Variants in ELOVL6 observed in about 807,000 individuals in gnomAD.
ELOVL6 encodes the protein very long chain fatty acid elongase 6.
A neutral mutation model predicts 31.7 loss-of-function variants in ELOVL6; 8 were observed. The observed-to-expected ratio is 0.25, with a 90% CI of 0.15 to 0.45. The LOEUF (loss-of-function observed/expected upper bound fraction) is 0.45. Ranked by LOEUF, ELOVL6 falls within the 20% of genes least tolerant of loss-of-function variation. The pLI, the probability that ELOVL6 is intolerant of heterozygous loss-of-function variation, is 1.00. For missense variants in ELOVL6, 126 were observed against 326.4 expected, an observed-to-expected ratio of 0.39 and a Z score of 4.73; for synonymous variants, 101 against 117.7, an observed-to-expected ratio of 0.86 and a Z score of 0.92.
At chr4:110,081,219 C>A (rs958713138) in intron 2 of ELOVL6, among the ~76,000 whole-genome samples, 6 of 152,138 alleles carry the variant, frequency 3.9e-5, no homozygotes, top group African/African-American at 1.2e-4. Flanking sequence ...CAATGATTTT[C>A]TTCACAGAAT....
In ELOVL6 at chr4:110,058,626, A is replaced by C. The variant is rs573286239; in HGVS notation, c.373+977T>G. 3.7e-4 allele frequency among the ~76,000 whole-genome samples: 56 copies of C among 152,302 alleles called. 2 individuals are homozygous for C. In the South Asian group the frequency reaches 6.2e-3, roughly 17 times the overall value. ...GCAGGTGGTTTGTAAGGAAAGTACA[A>C]CACCAAACTCCCTTTTTAGGAGAAA... On this transcript the variant is annotated intron_variant, in intron 3 of 3. Transcript: ENST00000302274.
At chr4:110,199,069 C>T (rs1487422560), upstream of ELOVL6, 1 of 151,452 alleles carries the variant, frequency 6.6e-6, no homozygotes, top group African/African-American at 2.4e-5. Context: ...CCCACCCCCA[C>T]CCGGGAGCTC....
At position 110,108,196 on chromosome 4, in the gene ELOVL6, A is replaced by T. The variant is rs1018823998; in HGVS notation, c.90-2568T>A. Among the ~76,000 whole-genome samples, 101 of 152,318 alleles carry T rather than the reference A, an allele frequency of 6.6e-4. 2 individuals are homozygous for T. The highest frequency in any genetic ancestry group is 2.2e-3 in the African/African-American group (93 of 41,572). On this transcript the variant is annotated intron_variant, in intron 1 of 3. Coordinates refer to ENST00000302274, the MANE Select transcript of ELOVL6 (RefSeq NM_024090.3). The stretch of plus-strand genomic sequence containing the variant: ...TTCTTTGAGAACAGAAATTAATTAT[A>T]CATATACCATGGAAGACATTTCCTT...
At chr4:110,165,390 A>G (rs1758746677) in intron 1 of ELOVL6, among the ~76,000 whole-genome samples, 1 of 152,106 alleles carries the variant, frequency 6.6e-6, no homozygotes, top group South Asian at 2.1e-4. Context: ...CTGGCTTCCA[A>G]GCTTCCAATC....
chr4:110,127,632 A>G (rs1757547093), intron 1 of ELOVL6, among the ~76,000 whole-genome samples: 1 of 152,174 alleles, frequency 6.6e-6, no homozygotes, highest in African/African-American at 2.4e-5. Flanking sequence ...TAGTTTAATG[A>G]CAGAGATCAA....
chr4:110,115,232 T>G (rs1757139765), intron 1 of ELOVL6, among the ~76,000 whole-genome samples: 1 of 152,084 alleles, frequency 6.6e-6, no homozygotes, highest in Admixed American at 6.6e-5. Flanking sequence ...TTAGAGAAAA[T>G]ATCTCAGCAG....
intron 2 of ELOVL6, among the ~76,000 whole-genome samples, chr4:110,083,864 G>T (rs983529296): frequency 2.8e-5 from 4 of 140,882 alleles, no homozygotes; most frequent in African/African-American, 1.0e-4. Flanking sequence ...TCCCTGAGAT[G>T]CTGTGATGGA....
chr4:110,084,409 A>ATATATATCG lies in ELOVL6; in HGVS notation c.221+21087_221+21088insCGATATATA, dbSNP rs1214879320. ...TCGCATATATGATATATGATATATG[A>ATATATATCG]CATACATGATATATCACATATATCA... On this transcript the variant is annotated intron_variant, in intron 2 of 3. Transcript: ENST00000302274. 5.0e-4 allele frequency among the ~76,000 whole-genome samples: 6 copies of ATATATATCG among 12,026 alleles called. 1 individual carries two copies. In the South Asian group the frequency reaches 0.011, roughly 22 times the overall value. The allele number at this position is 12,026 out of a possible 152,430, so 7.9% of individuals were successfully genotyped here. A position where few individuals can be genotyped will look rare whatever the true frequency, so the allele number is the denominator to read the frequency against.
chr4:110,097,166 C>A (rs975552700), intron 2 of ELOVL6, among the ~76,000 whole-genome samples: 1 of 151,874 alleles, frequency 6.6e-6, no homozygotes, highest in Admixed American at 6.6e-5. Context: ...ATTAGCCAAG[C>A]GTGGTGGCGG....
intron 1 of ELOVL6, among the ~76,000 whole-genome samples, chr4:110,129,819 GA>G (rs1757614488): frequency 1.3e-5 from 2 of 151,308 alleles, no homozygotes; most frequent in Non-Finnish European, 2.9e-5. Flanking sequence ...TCTGTTGAGT[GA>G]AACAAGGCAA....
Position 110,187,523 on chromosome 4 carries a change from C to T in ELOVL6, c.89+10724G>A, listed in dbSNP as rs148817219. 5.3e-3 allele frequency among the ~76,000 whole-genome samples: 800 copies of T among 151,328 alleles called. 5 individuals are homozygous for T. The highest frequency in any genetic ancestry group is 0.018 in the African/African-American group (726 of 41,242). ...CAGGAGTTTGAGACCAGTGAAACCC[C>T]GTCTCTACTAAAAATACAAAAAATT... On this transcript the variant is annotated intron_variant, in intron 1 of 3. Transcript: ENST00000302274.
At chr4:110,089,495 G>GATC in intron 2 of ELOVL6, among the ~76,000 whole-genome samples, 1 of 152,268 alleles carries the variant, frequency 6.6e-6, no homozygotes, top group Non-Finnish European at 1.5e-5. Flanking sequence ...ACTGAGGGAT[G>GATC]ACTGTACATA....
At chr4:110,138,299 C>T (rs1051489544) in intron 1 of ELOVL6, among the ~76,000 whole-genome samples, 1 of 152,188 alleles carries the variant, frequency 6.6e-6, no homozygotes, top group Non-Finnish European at 1.5e-5. Flanking sequence ...AAGTTCTATA[C>T]ACCTCATTAA....
At chr4:110,077,824 G>A in intron 2 of ELOVL6, among the ~76,000 whole-genome samples, 1 of 152,088 alleles carries the variant, frequency 6.6e-6, no homozygotes, top group South Asian at 2.1e-4. Context: ...CCATGGCAAA[G>A]AAGTTAAAAA....
chr4:110,169,996 G>T (rs543903255), intron 1 of ELOVL6, among the ~76,000 whole-genome samples: 15 of 150,698 alleles, frequency 1.0e-4, no homozygotes, highest in Admixed American at 9.9e-4. Flanking sequence ...GTAGAGATGG[G>T]GGTTTACCAT....
chr4:110,075,010 T>C (rs1755590399), intron 2 of ELOVL6, among the ~76,000 whole-genome samples: 1 of 151,964 alleles, frequency 6.6e-6, no homozygotes, highest in Non-Finnish European at 1.5e-5. Flanking sequence ...ACACAAATAA[T>C]GAATCAAAAG....
intron 1 of ELOVL6, among the ~76,000 whole-genome samples, chr4:110,116,409 C>G (rs1407428061): frequency 6.6e-6 from 1 of 152,124 alleles, no homozygotes; most frequent in Non-Finnish European, 1.5e-5. Flanking sequence ...TTTTAGAATC[C>G]AAAGGGCGAG....
intron 2 of ELOVL6, among the ~76,000 whole-genome samples, chr4:110,072,529 G>A (rs1369356343): frequency 2.6e-5 from 4 of 152,090 alleles, no homozygotes; most frequent in African/African-American, 4.8e-5. Flanking sequence ...TATCTGCCAG[G>A]TGAAACTCAC....
At position 110,057,616 on chromosome 4, in the gene ELOVL6, C is replaced by T. The variant is rs550153169; in HGVS notation, c.373+1987G>A. ...CTATAATACTAGCACTTTGGGAGGC[C>T]GAGGCGGGCTGATTACCTGAGGTCA... On this transcript the variant is annotated intron_variant, in intron 3 of 3. Coordinates refer to ENST00000302274, the MANE Select transcript of ELOVL6 (RefSeq NM_024090.3). 3.2e-4 allele frequency among the ~76,000 whole-genome samples: 49 copies of T among 151,942 alleles called. No homozygotes were observed. In the East Asian group the frequency reaches 7.9e-3, roughly 25 times the overall value.
Sources: allele counts gnomAD v4.1 joint callset (sites outside exome capture counted in the v4.1 genomes callset), GRCh38; gene constraint gnomAD v4.1.1; transcripts MANE v1.5; gene names NCBI Gene and HGNC (gene_info 2026-07-23, HGNC 2026-07-21).